Variants in SLC16A12 observed in about 807,000 individuals in gnomAD.
SLC16A12 encodes monocarboxylate transporter 12.
SLC16A12 carries 17 observed loss-of-function variants against 42.4 expected under a neutral mutation model. That is an observed-to-expected ratio of 0.40 (90% CI 0.27 to 0.60). The LOEUF is 0.60. Among genes scored for constraint, SLC16A12 ranks in the 20% least tolerant of loss-of-function variants. The pLI is 0.42. For missense variants in SLC16A12, 544 were observed against 623.0 expected (o/e 0.87, Z 1.35); for synonymous variants, 224 against 229.4 (o/e 0.98, Z 0.21).
rs1034489899 is a variant in SLC16A12, at chr10:89,443,496, A to G, written c.304+260T>C. ...TCAGCGTCCTATCTCTATATGGAAG[A>G]ACCAAATCTTACGTGTTCTTTTGAG... On this transcript the variant is annotated intron_variant, in intron 4 of 7. Transcript: ENST00000371790. Among the ~76,000 whole-genome samples the G allele has an allele frequency of 2.6e-5, 4 of 152,260 alleles. 1 individual carries two copies. The highest frequency in any genetic ancestry group is 6.5e-5 in the Admixed American group (1 of 15,290).
At chr10:89,453,716 A>C (rs1020827831) in intron 3 of SLC16A12, among the ~76,000 whole-genome samples, 2 of 152,154 alleles carry the variant, frequency 1.3e-5, no homozygotes, top group Non-Finnish European at 1.5e-5. Flanking sequence ...TTCTCAGAAC[A>C]CGTCCCCGTC....
intron 6 of SLC16A12, among the ~76,000 whole-genome samples, chr10:89,436,868 A>AAAAGAAAGAAAGAAAGAAAGAAAGAAAG (rs370756736): frequency 1.2e-4 from 14 of 120,512 alleles, no homozygotes; most frequent in South Asian, 3.0e-4. Flanking sequence ...GAAATAAAGA[A>AAAAGAAAGAAAGAAAGAAAGAAAGAAAG]AAAGAAAGAA....
At chr10:89,511,810 A>G (rs1417459918) in intron 2 of SLC16A12, among the ~76,000 whole-genome samples, 2 of 152,172 alleles carry the variant, frequency 1.3e-5, no homozygotes, top group Admixed American at 6.5e-5. Context: ...CCACTTTCAG[A>G]TATATACCCA....
intron 2 of SLC16A12, among the ~76,000 whole-genome samples, chr10:89,493,256 C>G (rs952650053): frequency 6.9e-6 from 1 of 144,364 alleles, no homozygotes; most frequent in Non-Finnish European, 1.5e-5. Flanking sequence ...GAGTTTCACT[C>G]TTGTTGCCCA....
intron 5 of SLC16A12, 28 bp from the exon 6 acceptor site, chr10:89,439,211 C>T (rs1475694787): frequency 6.3e-7 from 1 of 1,595,658 alleles, no homozygotes; most frequent in Non-Finnish European, 8.6e-7. Context: ...TCTATGAGTG[C>T]TGAAGTACCA....
At chr10:89,505,732 C>A (rs1160025995) in intron 2 of SLC16A12, among the ~76,000 whole-genome samples, 1 of 152,220 alleles carries the variant, frequency 6.6e-6, no homozygotes, top group Non-Finnish European at 1.5e-5. Context: ...AGATACTGCA[C>A]TTTTCCCATG....
At chr10:89,441,693 C>T (rs548737634) in intron 4 of SLC16A12, among the ~76,000 whole-genome samples, 2 of 152,200 alleles carry the variant, frequency 1.3e-5, no homozygotes, top group South Asian at 4.1e-4. Flanking sequence ...AGTAAAAGAC[C>T]AGGGAGAGAG....
chr10:89,441,255 C>A lies in SLC16A12; in HGVS notation c.305-4G>T, dbSNP rs1005728845. The stretch of plus-strand genomic sequence containing the variant: ...CTGACAACACTCCCAAGTGGAGCTT[C>A]AAAAACAATAAGAAATAGGTTCAAC... On this transcript the variant is annotated splice_region_variant and splice_polypyrimidine_tract_variant and intron_variant, in intron 4 of 7. Transcript: ENST00000371790. 1 of 1,613,854 alleles carries A rather than the reference C, an allele frequency of 6.2e-7. No individual in the cohort carries two copies. The highest frequency in any genetic ancestry group is 1.3e-5 in the African/African-American group (1 of 74,882).
At position 89,436,327 on chromosome 10, in the gene SLC16A12, T is replaced by C. The variant is rs1173088726; in HGVS notation, c.1029-8A>G. The C allele has an allele frequency of 5.6e-6, 9 of 1,613,906 alleles. No homozygotes were observed. The highest frequency in any genetic ancestry group is 7.6e-6 in the Non-Finnish European group (9 of 1,179,952). On this transcript the variant is annotated splice_polypyrimidine_tract_variant and splice_region_variant and intron_variant, in intron 6 of 7. Transcript: ENST00000371790. ...TGGTAATTCTTCAGACACCTGTAGA[T>C]TTGAAGAACAAGAATAAGTGCAGGA... is the stretch of plus-strand genomic sequence containing the variant.
intron 6 of SLC16A12, 137 bp downstream of exon 6, chr10:89,438,467 C>T: frequency 1.2e-6 from 1 of 820,716 alleles, no homozygotes; most frequent in Non-Finnish European, 1.9e-6. Context: ...GAAGTACCAG[C>T]AAGGGAGATG....
intron 2 of SLC16A12, among the ~76,000 whole-genome samples, chr10:89,525,208 G>A (rs1339205392): frequency 4.6e-5 from 5 of 109,098 alleles, no homozygotes; most frequent in African/African-American, 1.5e-4. Flanking sequence ...ACGACAGAAC[G>A]AGACACCATA....
chr10:89,448,142 A>G (rs534019618), intron 3 of SLC16A12, among the ~76,000 whole-genome samples: 2 of 152,228 alleles, frequency 1.3e-5, no homozygotes, highest in Non-Finnish European at 2.9e-5. Context: ...AAAAAAGTCC[A>G]GGACCAGAAG....
chr10:89,499,175 T>C (rs928966175), intron 2 of SLC16A12, among the ~76,000 whole-genome samples: 2 of 152,146 alleles, frequency 1.3e-5, no homozygotes, highest in African/African-American at 4.8e-5. Context: ...GTTATTAAGC[T>C]AATCAGGGAG....
chr10:89,514,813 G>A lies in SLC16A12; in HGVS notation c.-47+19688C>T, dbSNP rs192419130. ...ATGAAAAGGAGCGGGCCGGGTGCGCGGGTGCAGTGGCTCATGCCTGTAATC... is the reference window on the plus strand; with the variant it reads ...ATGAAAAGGAGCGGGCCGGGTGCGCAGGTGCAGTGGCTCATGCCTGTAATC... On this transcript the variant is annotated intron_variant, in intron 2 of 7. Transcript: ENST00000371790. 2.3e-3 allele frequency among the ~76,000 whole-genome samples: 345 copies of A among 152,298 alleles called. 1 individual carries two copies. Among genetic ancestry groups the A allele is most frequent in the African/African-American group, 7.8e-3 (323 of 41,566 alleles).
intron 2 of SLC16A12, among the ~76,000 whole-genome samples, chr10:89,492,013 T>C (rs1054676027): frequency 3.9e-5 from 6 of 152,216 alleles, no homozygotes; most frequent in African/African-American, 1.4e-4. Context: ...AAATAGATTA[T>C]GGAAAAGTTT....
chr10:89,471,582 C>T (rs1842494912), intron 2 of SLC16A12, among the ~76,000 whole-genome samples: 1 of 152,106 alleles, frequency 6.6e-6, no homozygotes, highest in Non-Finnish European at 1.5e-5. Flanking sequence ...ATGAATAAAA[C>T]TTCTATGAAC....
intron 2 of SLC16A12, among the ~76,000 whole-genome samples, chr10:89,515,804 A>G (rs1843242281): frequency 6.6e-6 from 1 of 152,176 alleles, no homozygotes; most frequent in Admixed American, 6.5e-5. Flanking sequence ...AACCACAGAA[A>G]GTCATCACAA....
At position 89,484,059 on chromosome 10, in the gene SLC16A12, T is replaced by G. The variant is rs1842712002; in HGVS notation, c.-46-21435A>C. On this transcript the variant is annotated intron_variant, in intron 2 of 7. Transcript: ENST00000371790. The stretch of plus-strand genomic sequence containing the variant: ...CAGCCGCCTACTCAGGAAGCTGACA[T>G]GGGTGGCTCTCTTAAGGCCAGGAGT... Among the ~76,000 whole-genome samples, 5 of 152,122 alleles carry G rather than the reference T, an allele frequency of 3.3e-5. No homozygotes were observed. The South Asian group carries it at 1.0e-3, about 31-fold the overall frequency.
intron 3 of SLC16A12, among the ~76,000 whole-genome samples, chr10:89,445,397 AGCAATATTTGCTGTTCT>A (rs954120777): frequency 3.9e-5 from 6 of 152,244 alleles, no homozygotes; most frequent in East Asian, 1.9e-4. Context: ...AGGATCAGGC[AGCAATATTTGCTGTTCT>A]GCAATATTTG....
Sources: allele counts gnomAD v4.1 joint callset (sites outside exome capture counted in the v4.1 genomes callset), GRCh38; gene constraint gnomAD v4.1.1; transcripts MANE v1.5; gene names NCBI Gene and HGNC (gene_info 2026-07-23, HGNC 2026-07-21).